PLD5: variants seen among roughly 807,000 people sequenced by gnomAD.
PLD5 encodes phospholipase D family member 5, also known as inactive phospholipase D5.
A neutral mutation model predicts 61.1 loss-of-function variants in PLD5; 36 were observed. The ratio of observed to expected loss-of-function variants is 0.59; its 90% confidence interval spans 0.45 to 0.78. PLD5 has a LOEUF of 0.78. Ranked by LOEUF, PLD5 falls within the 30% of genes least tolerant of loss-of-function variation. The probability of loss-of-function intolerance (pLI) is 0.00; values close to 1 mark genes in which losing one functional copy is unlikely to be tolerated. For synonymous variants in PLD5, 243 were observed against 242.8 expected, an observed-to-expected ratio of 1.00 and a Z score of -0.01; for missense variants, 515 against 644.4, an observed-to-expected ratio of 0.80 and a Z score of 2.17.
chr1:242,186,432 C>T (rs1403939426), intron 5 of PLD5, among the ~76,000 whole-genome samples: 1 of 152,190 alleles, frequency 6.6e-6, no homozygotes, highest in Non-Finnish European at 1.5e-5. Flanking sequence ...ATCCACCCGC[C>T]TTGGCTTCCC....
At chr1:242,448,625 A>C (rs938257378) in intron 1 of PLD5, among the ~76,000 whole-genome samples, 3 of 152,168 alleles carry the variant, frequency 2.0e-5, no homozygotes, top group Non-Finnish European at 4.4e-5. Context: ...GACACTTGGA[A>C]AAGACATCCA....
chr1:242,356,855 A>G (rs1660780169), intron 1 of PLD5, among the ~76,000 whole-genome samples: 2 of 152,228 alleles, frequency 1.3e-5, no homozygotes, highest in South Asian at 4.1e-4. Flanking sequence ...TTGATGTCCA[A>G]ATTAACATTT....
rs1172205162 is a variant in PLD5, at chr1:242,193,926, G to T, written c.735+26062C>A. On this transcript the variant is annotated intron_variant, in intron 5 of 9. Transcript: ENST00000536534. ...AGTCTTCACTGTCAGAATACATGCT[G>T]TAAAACTATTTCACCTACATTTTAT... 3.9e-5 allele frequency among the ~76,000 whole-genome samples: 6 copies of T among 152,332 alleles called. No homozygotes were observed. In the East Asian group the frequency reaches 1.2e-3, roughly 29 times the overall value.
intron 2 of PLD5, among the ~76,000 whole-genome samples, chr1:242,338,559 A>G (rs1374395811): frequency 1.3e-5 from 2 of 152,228 alleles, no homozygotes; most frequent in Admixed American, 6.5e-5. Context: ...TTTCATTAAA[A>G]TCAAAACTTT....
intron 1 of PLD5, among the ~76,000 whole-genome samples, chr1:242,387,711 C>A (rs1299155924): frequency 1.4e-5 from 2 of 138,680 alleles, no homozygotes; most frequent in African/African-American, 2.9e-5. Context: ...AAAATTTTAT[C>A]TATTTTATAT....
intron 2 of PLD5, among the ~76,000 whole-genome samples, chr1:242,291,890 G>T (rs1675390769): frequency 6.6e-6 from 1 of 152,096 alleles, no homozygotes; most frequent in African/African-American, 2.4e-5. Context: ...TATCAAAGAA[G>T]AAAAGACCAT....
In PLD5 at chr1:242,145,808, G is replaced by C. The variant is rs533137962; in HGVS notation, c.736-21143C>G. Among the ~76,000 whole-genome samples, 28 of 152,234 alleles carry C rather than the reference G, an allele frequency of 1.8e-4. No individual in the cohort carries two copies. The South Asian group carries it at 3.7e-3, about 20-fold the overall frequency. On this transcript the variant is annotated intron_variant, in intron 5 of 9. Transcript: ENST00000536534. ...TTGCCTCAGCCTCCTGAGTAGCTGGGATTATAGGCGCACACCAGCACCACA... is the reference window on the plus strand; with the variant it reads ...TTGCCTCAGCCTCCTGAGTAGCTGGCATTATAGGCGCACACCAGCACCACA...
chr1:242,175,235 T>C (rs1208395815), intron 5 of PLD5, among the ~76,000 whole-genome samples: 3 of 152,118 alleles, frequency 2.0e-5, no homozygotes, highest in Admixed American at 2.0e-4. Context: ...CAGCAGCATA[T>C]GAAAAAGCGT....
chr1:242,226,118 C>A (rs997946246), intron 4 of PLD5, among the ~76,000 whole-genome samples: 1 of 152,078 alleles, frequency 6.6e-6, no homozygotes, highest in Non-Finnish European at 1.5e-5. Context: ...AATCTGGCTT[C>A]ATTTAATTAA....
chr1:242,380,517 C>G (rs925779969), intron 1 of PLD5, among the ~76,000 whole-genome samples: 1 of 152,118 alleles, frequency 6.6e-6, no homozygotes, highest in Non-Finnish European at 1.5e-5. Flanking sequence ...CTCCCAAACC[C>G]TCTCAAAGCA....
intron 2 of PLD5, among the ~76,000 whole-genome samples, chr1:242,332,279 T>C (rs920671370): frequency 2.6e-5 from 4 of 152,178 alleles, no homozygotes; most frequent in African/African-American, 9.7e-5. Context: ...CTTTATCCAG[T>C]CTATCACTGA....
At chr1:242,516,220 G>A (rs1259947938) in intron 1 of PLD5, among the ~76,000 whole-genome samples, 3 of 148,526 alleles carry the variant, frequency 2.0e-5, no homozygotes, top group Non-Finnish European at 4.4e-5. Context: ...GTCAGAGTGT[G>A]TGCTAAAAAT....
At chr1:242,500,565 G>A (rs1668521221) in intron 1 of PLD5, among the ~76,000 whole-genome samples, 1 of 152,180 alleles carries the variant, frequency 6.6e-6, no homozygotes, top group Non-Finnish European at 1.5e-5. Flanking sequence ...ATTCATAAAA[G>A]CAAGAAAGAT....
At chr1:242,259,145 G>T (rs1197728938) in intron 4 of PLD5, among the ~76,000 whole-genome samples, 1 of 152,140 alleles carries the variant, frequency 6.6e-6, no homozygotes, top group Non-Finnish European at 1.5e-5. Flanking sequence ...CTATGTGTAA[G>T]GCTTAAAAAT....
At chr1:242,438,980 A>C (rs111323772) in intron 1 of PLD5, among the ~76,000 whole-genome samples, 2,738 of 152,006 alleles carry the variant, frequency 0.018, 90 homozygotes, top group African/African-American at 0.064. Context: ...CTTTCATTGC[A>C]CTTATCTCAA....
intron 1 of PLD5, among the ~76,000 whole-genome samples, chr1:242,354,327 C>T (rs529883883): frequency 2.0e-5 from 3 of 152,248 alleles, no homozygotes; most frequent in East Asian, 1.9e-4. Flanking sequence ...ATTGATCCAC[C>T]CCTTAATTTT....
At chr1:242,152,548 C>T (rs1665013059) in intron 5 of PLD5, among the ~76,000 whole-genome samples, 1 of 151,748 alleles carries the variant, frequency 6.6e-6, no homozygotes, top group Non-Finnish European at 1.5e-5. Context: ...ATGTTTCCCT[C>T]CTTGTGTCCA....
intron 5 of PLD5, among the ~76,000 whole-genome samples, chr1:242,175,473 A>T (rs12077982): frequency 0.088 from 13,383 of 152,222 alleles, 743 homozygotes; most frequent in African/African-American, 0.16. Context: ...GCTATTTATG[A>T]TAAACCCACA....
At chr1:242,180,540 A>T (rs1558312714) in intron 5 of PLD5, among the ~76,000 whole-genome samples, 1 of 152,182 alleles carries the variant, frequency 6.6e-6, no homozygotes, top group Non-Finnish European at 1.5e-5. Flanking sequence ...TCCATAGGGA[A>T]GATAACAATA....
Sources: gnomAD v4.1 joint callset for allele counts (sites outside exome capture counted in the v4.1 genomes callset) on GRCh38, gnomAD v4.1.1 for gene constraint, MANE v1.5 for transcripts, NCBI Gene and HGNC (gene_info 2026-07-23, HGNC 2026-07-21) for gene names.